The following STIL variants were observed in gnomAD, a reference collection of about 807,000 sequenced individuals.
The protein encoded by STIL is STIL centriolar assembly protein.
Under a neutral mutation model 110.1 loss-of-function variants are expected in STIL, and 55 were observed. The observed-to-expected ratio is 0.50, with a 90% CI of 0.40 to 0.63. The LOEUF (loss-of-function observed/expected upper bound fraction) is 0.63. Among genes scored for constraint, STIL ranks in the 20% least tolerant of loss-of-function variants. The pLI, the probability that STIL is intolerant of heterozygous loss-of-function variation, is 0.00. For missense variants in STIL, 1,358 were observed against 1,530.0 expected (o/e 0.89, Z 1.87); for synonymous variants, 481 against 530.0 (o/e 0.91, Z 1.27).
intron 8 of STIL, among the ~76,000 whole-genome samples, chr1:47,292,678 A>G (rs1645529498): frequency 6.6e-6 from 1 of 152,220 alleles, no homozygotes; most frequent in African/African-American, 2.4e-5. Flanking sequence ...ATACTTGTCT[A>G]TGTTGAGTAT....
chr1:47,273,559 C>A (rs1644902184), intron 12 of STIL, among the ~76,000 whole-genome samples: 1 of 152,212 alleles, frequency 6.6e-6, no homozygotes, highest in Admixed American at 6.5e-5. Context: ...GAATAACATT[C>A]CCTTGTATGG....
Position 47,297,616 on chromosome 1 carries a change from G to A in STIL, c.702-1768C>T, listed in dbSNP as rs551752601. Among the ~76,000 whole-genome samples, 8 of 151,972 alleles carry A rather than the reference G, an allele frequency of 5.3e-5. No homozygotes were observed. In the South Asian group the frequency reaches 1.7e-3, roughly 32 times the overall value. On this transcript the variant is annotated intron_variant, in intron 6 of 16. Coordinates refer to ENST00000371877, the MANE Select transcript of STIL (RefSeq NM_001048166.1). ...TTTAATGATGGGGTCTCACTACATT[G>A]TCCTAGCTGGAGAGCAGTGGCTATT...
At position 47,310,095 on chromosome 1, in the gene STIL, TGAA is replaced by T. The variant is rs1224925564; in HGVS notation, c.44+178_44+180del. On this transcript the variant is annotated intron_variant, in intron 2 of 16. Coordinates refer to ENST00000371877, the MANE Select transcript of STIL (RefSeq NM_001048166.1). ...GAGATTACCATCCTCATTTTACAGA[TGAA>T]GAACTGAGGCTTAGTTAATTAACTT... 2.6e-5 allele frequency among the ~76,000 whole-genome samples: 4 copies of T among 152,184 alleles called. No homozygotes were observed. In the East Asian group the frequency reaches 7.7e-4, roughly 29 times the overall value.
At position 47,270,180 on chromosome 1, in the gene STIL, A is replaced by G. The variant is rs375757614; in HGVS notation, c.2384-314T>C. On this transcript the variant is annotated intron_variant, in intron 13 of 16. Transcript: ENST00000371877. ...TTGAGCCCAGGAGGTCGATGCTGCA[A>G]TGAGCTGTGATTGTGCTACTGCATT... is the stretch of plus-strand genomic sequence containing the variant. Among the ~76,000 whole-genome samples, 15 of 149,114 alleles carry G rather than the reference A, an allele frequency of 1.0e-4. 1 individual carries two copies. The highest frequency in any genetic ancestry group is 9.5e-4 in the Admixed American group (14 of 14,710).
rs562229796 is a variant in STIL at position 47,272,771 on chromosome 1, T to C, written c.2218-530A>G. On this transcript the variant is annotated intron_variant, in intron 12 of 16. Coordinates refer to ENST00000371877, the MANE Select transcript of STIL (RefSeq NM_001048166.1). The stretch of plus-strand genomic sequence containing the variant: ...CTTAGTATTCGTAAGTTGATACTCA[T>C]GTAAAAAAGTGTGAATGGTTAATAC... Among the ~76,000 whole-genome samples, 9 of 152,306 alleles carry C rather than the reference T, an allele frequency of 5.9e-5. No individual in the cohort carries two copies. In the South Asian group the frequency reaches 1.0e-3, roughly 18 times the overall value.
At chr1:47,300,464 A>G (rs557100175) in intron 5 of STIL, among the ~76,000 whole-genome samples, 43 of 131,686 alleles carry the variant, frequency 3.3e-4, no homozygotes, top group African/African-American at 1.3e-3. Context: ...AAAAATGGAC[A>G]TAAAATAATT....
chr1:47,282,217 G>A, intron 11 of STIL, 128 bp downstream of exon 11: 2 of 673,550 alleles, frequency 3.0e-6, no homozygotes, highest in Admixed American at 4.4e-5. Context: ...TATAACCATA[G>A]AGATAGAAAT....
Position 47,269,746 on chromosome 1 carries a change from A to G in STIL, c.2504T>C (p.Val835Ala). 1 of 1,614,062 alleles carries G rather than the reference A, an allele frequency of 6.2e-7. No individual in the cohort carries two copies. ...AGATGCACTACCTGGAAGACTTGTG[A>G]CTTCATTATTAATATCGACAGAAAA... ...MNFSVDINNE[V>A]TSLPGSASSL... Residue 835 changes from valine (V) to alanine (A), a missense_variant, in exon 14 of 17, where the codon GTC becomes GCC. Physicochemically the swap from Val to Ala is moderately conservative, Grantham distance 64. Transcript: ENST00000371877.
At chr1:47,275,476 C>A (rs1644965121) in intron 12 of STIL, among the ~76,000 whole-genome samples, 1 of 151,880 alleles carries the variant, frequency 6.6e-6, no homozygotes, top group Admixed American at 6.6e-5. Flanking sequence ...GGCTTGGTGG[C>A]CAACGCCTGT....
intron 6 of STIL, among the ~76,000 whole-genome samples, chr1:47,296,981 T>G (rs1345502499): frequency 6.6e-6 from 1 of 152,098 alleles, no homozygotes; most frequent in African/African-American, 2.4e-5. Flanking sequence ...AAATCAACAA[T>G]GACACAGCTG....
intron 6 of STIL, among the ~76,000 whole-genome samples, chr1:47,296,281 G>A (rs1261078136): frequency 6.6e-6 from 1 of 152,162 alleles, no homozygotes; most frequent in Admixed American, 6.5e-5. Context: ...TCTAAGTGAA[G>A]GAGACTGAAT....
At chr1:47,254,537 T>G (rs1249198546) in intron 16 of STIL, among the ~76,000 whole-genome samples, 2 of 151,816 alleles carry the variant, frequency 1.3e-5, no homozygotes, top group Non-Finnish European at 1.5e-5. Flanking sequence ...GGGTTTTTTT[T>G]TTGTTTTTTT....
intron 15 of STIL, among the ~76,000 whole-genome samples, chr1:47,260,863 T>A (rs1644465089): frequency 6.6e-6 from 1 of 151,960 alleles, no homozygotes; most frequent in African/African-American, 2.4e-5. Flanking sequence ...ACTCTGTCTC[T>A]AAAAAAATTA....
intron 4 of STIL, 61 bp downstream of exon 4, chr1:47,302,173 A>C: frequency 8.0e-7 from 1 of 1,244,856 alleles, no homozygotes; most frequent in Non-Finnish European, 1.2e-6. Context: ...CTCCCACTCC[A>C]GCCTCCCAAC....
chr1:47,276,595 G>A (rs1644998286), intron 12 of STIL, among the ~76,000 whole-genome samples: 2 of 151,744 alleles, frequency 1.3e-5, no homozygotes, highest in African/African-American at 4.8e-5. Context: ...ATCACCTGAG[G>A]TCAGGAGTTC....
At chr1:47,261,127 C>T (rs1431556041) in intron 15 of STIL, among the ~76,000 whole-genome samples, 3 of 152,204 alleles carry the variant, frequency 2.0e-5, no homozygotes, top group Non-Finnish European at 4.4e-5. Context: ...GTGGCTCACA[C>T]CTGTAATCCC....
intron 5 of STIL, among the ~76,000 whole-genome samples, chr1:47,300,929 T>C (rs1299085085): frequency 1.3e-5 from 2 of 152,230 alleles, no homozygotes; most frequent in Admixed American, 1.3e-4. Context: ...AATACATCCC[T>C]CTATAATACA....
At chr1:47,294,929 A>ATT (rs199904141) in intron 7 of STIL, among the ~76,000 whole-genome samples, 1 of 150,742 alleles carries the variant, frequency 6.6e-6, no homozygotes, top group African/African-American at 2.4e-5. Context: ...TATATTTTTT[A>ATT]TTTTTTTTTG....
chr1:47,268,944 G>A (rs751047171), intron 14 of STIL, among the ~76,000 whole-genome samples: 16 of 150,152 alleles, frequency 1.1e-4, no homozygotes, highest in Non-Finnish European at 1.8e-4. Flanking sequence ...ATACAAACAC[G>A]GAATTAGCCG....
Sources: allele counts gnomAD v4.1 joint callset (sites outside exome capture counted in the v4.1 genomes callset), GRCh38; gene constraint gnomAD v4.1.1; transcripts MANE v1.5; gene names NCBI Gene and HGNC (gene_info 2026-07-23, HGNC 2026-07-21).